Variants in APC observed in about 807,000 individuals in gnomAD.
APC encodes adenomatous polyposis coli protein.
Under a neutral mutation model 247.0 loss-of-function variants are expected in APC, and 72 were observed. The observed-to-expected ratio is 0.29, with a 90% CI of 0.24 to 0.35. APC has a LOEUF of 0.35. APC is among the 10% of genes least tolerant of loss of function. APC has a pLI of 1.00. For synonymous variants in APC, 1,254 were observed against 1,162.5 expected (o/e 1.08, Z -1.60); for missense variants, 3,400 against 3,360.7 (o/e 1.01, Z -0.29).
At chr5:112,791,555 C>G (rs1261372654) in intron 6 of APC, among the ~76,000 whole-genome samples, 2 of 152,122 alleles carry the variant, frequency 1.3e-5, no homozygotes, top group Non-Finnish European at 2.9e-5. Context: ...AGAATCTTAT[C>G]TAATGCCTGA....
chr5:112,817,798 A>G lies in APC; in HGVS notation c.934-1168A>G, dbSNP rs392907. ...TAAATTTCTCCATTTTGCAGCTCAGAAAACTGAGGCTCAGAGAAATCAAAT... is the reference window on the plus strand; with the variant it reads ...TAAATTTCTCCATTTTGCAGCTCAGGAAACTGAGGCTCAGAGAAATCAAAT... On this transcript the variant is annotated intron_variant, in intron 9 of 15. Transcript: ENST00000257430. Among the ~76,000 whole-genome samples, 100,890 of 151,972 alleles carry G rather than the reference A, an allele frequency of 0.66. 33,930 individuals carry two copies. Among genetic ancestry groups the G allele is most frequent in the East Asian group, 0.9 (4,669 of 5,184 alleles).
At chr5:112,765,575 A>G (rs943327964) in intron 2 of APC, among the ~76,000 whole-genome samples, 3 of 152,246 alleles carry the variant, frequency 2.0e-5, no homozygotes, top group Non-Finnish European at 2.9e-5. Flanking sequence ...TCTTGCATTC[A>G]GGAAACCTGA....
At position 112,807,430 on chromosome 5, in the gene APC, A is replaced by G. The variant is rs571784111; in HGVS notation, c.834+6047A>G. On this transcript the variant is annotated intron_variant, in intron 8 of 15. Transcript: ENST00000257430. ...ATTTTTATATAAACAATATTTTTATACTATACAACTTACTCTTGTCATTTA... is the reference window on the plus strand; with the variant it reads ...ATTTTTATATAAACAATATTTTTATGCTATACAACTTACTCTTGTCATTTA... Among the ~76,000 whole-genome samples, 4 of 152,222 alleles carry G rather than the reference A, an allele frequency of 2.6e-5. No individual in the cohort carries two copies. The East Asian group carries it at 7.7e-4, about 29-fold the overall frequency.
At chr5:112,792,233 G>A (rs1244696083) in intron 6 of APC, among the ~76,000 whole-genome samples, 2 of 151,456 alleles carry the variant, frequency 1.3e-5, no homozygotes, top group African/African-American at 2.4e-5. Flanking sequence ...GCAACAGAGC[G>A]AGACTCTGTC....
Position 112,819,158 on chromosome 5 carries a change from A to G in APC, c.1126A>G (p.Ser376Gly), listed in dbSNP as rs769202767. ...TGTATTGTTGGGAAATTCCCGGGGCAGTAAAGAGGCTCGGGCCAGGGCCAG... is the reference window on the plus strand; with the variant it reads ...TGTATTGTTGGGAAATTCCCGGGGCGGTAAAGAGGCTCGGGCCAGGGCCAG... ...DSVLLGNSRG[S>G]KEARARASAA... The change falls in exon 10 of 16, where the codon AGT becomes GGT. Residue 376 changes from serine to glycine, a missense_variant. This residue lies in a region of APC where 199 missense variants were observed against 212.5 expected (regional missense o/e 0.94). Transcript: ENST00000257430. The G allele has an allele frequency of 2.5e-6, 4 of 1,613,954 alleles. No homozygotes were observed. The highest frequency in any genetic ancestry group is 2.5e-6 in the Non-Finnish European group (3 of 1,180,010).
At chr5:112,782,593 C>G (rs1288230673) in intron 6 of APC, among the ~76,000 whole-genome samples, 1 of 152,140 alleles carries the variant, frequency 6.6e-6, no homozygotes, top group African/African-American at 2.4e-5. Flanking sequence ...GTGTATATAT[C>G]ATTTTTTCTT....
rs1580380453 is a variant in APC at position 112,780,900 on chromosome 5, A to G, written c.642A>G (p.Ala214=). 1 of 1,597,232 alleles carries G rather than the reference A, an allele frequency of 6.3e-7. No individual in the cohort carries two copies. Among genetic ancestry groups the G allele is most frequent in the East Asian group, 2.2e-5 (1 of 44,562 alleles). ...CCTGCCAGGATATGGAAAAACGAGC[A>G]CAGGTAAGTTACTTGTTTCTAAGTG... ...LGTCQDMEKR[A]QRRIARIQQI... is the part of the protein sequence containing the mutation. The change falls in exon 6 of 16, where the codon GCA becomes GCG. Residue 214 remains alanine, a synonymous_variant. Transcript: ENST00000257430.
intron 2 of APC, 148 bp downstream of exon 2, chr5:112,755,173 A>G: frequency 8.6e-7 from 1 of 1,161,630 alleles, no homozygotes; most frequent in Middle Eastern, 3.0e-4. Flanking sequence ...TAGCATTTAT[A>G]TTTTTAAATA....
intron 2 of APC, among the ~76,000 whole-genome samples, chr5:112,760,718 T>A (rs1755552390): frequency 6.6e-6 from 1 of 152,182 alleles, no homozygotes; most frequent in Non-Finnish European, 1.5e-5. Flanking sequence ...AGAACTTTCA[T>A]ATTTTCTATC....
At chr5:112,804,096 G>C (rs534001227) in intron 8 of APC, among the ~76,000 whole-genome samples, 1 of 152,170 alleles carries the variant, frequency 6.6e-6, no homozygotes, top group South Asian at 2.1e-4. Flanking sequence ...ACTGTCTTCT[G>C]CTTCAGTTCA....
At position 112,815,580 on chromosome 5, in the gene APC, A is replaced by T. The variant is rs869312787; in HGVS notation, c.920A>T (p.His307Leu). 1.2e-6 allele frequency: 2 copies of T among 1,611,002 alleles called. No individual in the cohort carries two copies. Among genetic ancestry groups the T allele is most frequent in the Non-Finnish European group, 1.7e-6 (2 of 1,177,900 alleles). ...THSAPRRLTS[H>L]LGTKVEMVYS... ...TCTGCACCTCGAAGGCTGACAAGTC[A>T]TCTGGGAACCAAGGTAACAGAAGAT... The change falls in exon 9 of 16, where the codon CAT becomes CTT. Residue 307 changes from histidine (H) to leucine (L), a missense_variant. Transcript: ENST00000257430.
intron 2 of APC, among the ~76,000 whole-genome samples, chr5:112,759,619 T>C (rs1755428960): frequency 6.6e-6 from 1 of 152,148 alleles, no homozygotes; most frequent in African/African-American, 2.4e-5. Context: ...GCCTCCAAAG[T>C]GCTGGGATTA....
At chr5:112,765,524 G>A (rs956187512) in intron 2 of APC, among the ~76,000 whole-genome samples, 74 of 152,254 alleles carry the variant, frequency 4.9e-4, no homozygotes, top group African/African-American at 1.7e-3. Context: ...ATAGGGGAAC[G>A]TTCCATTTAG....
chr5:112,803,893 A>G (rs770371685), intron 8 of APC, among the ~76,000 whole-genome samples: 3 of 152,160 alleles, frequency 2.0e-5, no homozygotes, highest in South Asian at 2.1e-4. Flanking sequence ...GAATCTGATT[A>G]TATCACTTAT....
chr5:112,755,161 G>C, intron 2 of APC, 136 bp downstream of exon 2: 1 of 1,264,402 alleles, frequency 7.9e-7, no homozygotes, highest in Non-Finnish European at 1.1e-6. Context: ...TCTTGCAAAA[G>C]TTAGCATTTA....
Position 112,821,439 on chromosome 5 carries a change from C to G in APC, c.1313-457C>G, listed in dbSNP as rs1418799874. Among the ~76,000 whole-genome samples, 11 of 151,160 alleles carry G rather than the reference C, an allele frequency of 7.3e-5. 1 individual carries two copies. The highest frequency in any genetic ancestry group is 7.3e-4 in the Admixed American group (11 of 15,154). On this transcript the variant is annotated intron_variant, in intron 10 of 15. Coordinates refer to ENST00000257430, the MANE Select transcript of APC (RefSeq NM_000038.6). ...GGAAGGTCAATTGAGCCCAGGAATACAAGGCTGCGGTGAAAGCTATGATCA... is the reference window on the plus strand; with the variant it reads ...GGAAGGTCAATTGAGCCCAGGAATAGAAGGCTGCGGTGAAAGCTATGATCA...
chr5:112,818,847 C>CCG, intron 9 of APC, 119 bp from the exon 10 acceptor site: 1 of 683,728 alleles, frequency 1.5e-6, no homozygotes, highest in Non-Finnish European at 2.2e-6. Flanking sequence ...TTTTTTTTGG[C>CCG]GGGGGGGGTT....
intron 6 of APC, among the ~76,000 whole-genome samples, chr5:112,784,517 T>C (rs1212142288): frequency 6.6e-6 from 1 of 152,232 alleles, no homozygotes; most frequent in Admixed American, 6.5e-5. Context: ...AATACTTACT[T>C]TAGGGCAGAA....
In APC at chr5:112,843,955, C is replaced by G. The variant is rs2150003975; in HGVS notation, c.8361C>G (p.Asn2787Lys). 6.2e-7 allele frequency: 1 copy of G among 1,607,434 alleles called. No individual in the cohort carries two copies. Among genetic ancestry groups the G allele is most frequent in the South Asian group, 1.1e-5 (1 of 90,194 alleles). Reference protein sequence around the residue: ...VAARVTPFNYNPSPRKSSADS... With the variant: ...VAARVTPFNYKPSPRKSSADS... Reference sequence around the variant, plus strand: ...CCAGAGTGACTCCTTTTAATTACAACCCAAGCCCTAGGAAAAGCAGCGCAG... The same window carrying G: ...CCAGAGTGACTCCTTTTAATTACAAGCCAAGCCCTAGGAAAAGCAGCGCAG... Residue 2787 changes from asparagine to lysine, a missense_variant, in exon 16 of 16, where the codon AAC (asparagine) becomes AAG (lysine). Around this residue, in one of 9 missense-constraint regions of APC, gnomAD observed 1,788 missense variants for 1,649.5 expected, o/e 1.08. Coordinates refer to ENST00000257430, the MANE Select transcript of APC (RefSeq NM_000038.6). The surrounding 1 kb of genome is among the most constrained non-coding windows in gnomAD (Gnocchi z 4.8).
Sources: gnomAD v4.1 joint callset for allele counts (sites outside exome capture counted in the v4.1 genomes callset) on GRCh38, gnomAD v4.1.1 for gene constraint, gnomAD v4.1.1 regional missense constraint, Gnocchi (gnomAD v3.1) non-coding constraint, MANE v1.5 for transcripts, NCBI Gene and HGNC (gene_info 2026-07-23, HGNC 2026-07-21) for gene names.